KCNH4: variants seen among roughly 807,000 people sequenced by gnomAD.
KCNH4 encodes voltage-gated delayed rectifier potassium channel KCNH4.
A neutral mutation model predicts 90.7 loss-of-function variants in KCNH4; 33 were observed. That is an observed-to-expected ratio of 0.36 (90% CI 0.28 to 0.49). KCNH4 has a LOEUF of 0.49. KCNH4 is among the 20% of genes least tolerant of loss of function. The pLI, the probability that KCNH4 is intolerant of heterozygous loss-of-function variation, is 0.98. For synonymous variants in KCNH4, 551 were observed against 581.7 expected, an observed-to-expected ratio of 0.95 and a Z score of 0.76; for missense variants, 1,044 against 1,387.1, an observed-to-expected ratio of 0.75 and a Z score of 3.93.
chr17:42,161,869 G>A (rs749057536), intron 15 of KCNH4, among the ~76,000 whole-genome samples: 6 of 152,050 alleles, frequency 3.9e-5, no homozygotes, highest in Admixed American at 6.5e-5. Flanking sequence ...AGTTCAGAGC[G>A]GTTGTGGGAC....
At chr17:42,179,063 G>A (rs1426280440) in intron 1 of KCNH4, 37 bp from the exon 2 acceptor site, 1 of 1,530,144 alleles carries the variant, frequency 6.5e-7, no homozygotes, top group African/African-American at 1.4e-5. Context: ...GTCAAGGCTG[G>A]GAGGCGAGCT....
chr17:42,161,736 C>T (rs1281253475), intron 15 of KCNH4, among the ~76,000 whole-genome samples: 1 of 152,188 alleles, frequency 6.6e-6, no homozygotes, highest in Non-Finnish European at 1.5e-5. Flanking sequence ...GGAAGGAAAC[C>T]AACTGGTACG....
At position 42,166,340 on chromosome 17, in the gene KCNH4, G is replaced by A; in HGVS notation, c.1797C>T (p.Gly599=). The A allele has an allele frequency of 1.2e-6, 2 of 1,612,280 alleles. No homozygotes were observed. Among genetic ancestry groups the A allele is most frequent in the Non-Finnish European group, 1.7e-6 (2 of 1,179,198 alleles). ...TGTTGTCTCGGAGCACCTCAAGCGA[G>A]CCGGAGCAGACATAGTAATGTGCCT... The part of the protein sequence containing the change: ...ALQAHYYVCS[G]SLEVLRDNMV... The change falls in exon 10 of 17, where the codon GGC becomes GGT. Residue 599 remains glycine, a synonymous_variant. Transcript: ENST00000264661.
intron 2 of KCNH4, 150 bp from the exon 3 acceptor site, chr17:42,178,627 A>G (rs2079879532): frequency 8.2e-7 from 1 of 1,216,314 alleles, no homozygotes; most frequent in African/African-American, 1.5e-5. Context: ...CGATTCCTTC[A>G]TCTTTCAAAT....
intron 6 of KCNH4, among the ~76,000 whole-genome samples, chr17:42,175,083 C>G (rs1341084889): frequency 6.6e-6 from 1 of 152,206 alleles, no homozygotes; most frequent in Non-Finnish European, 1.5e-5. Flanking sequence ...CAAGGTCAGC[C>G]CAGCCCCTCT....
At chr17:42,164,243 C>G in intron 11 of KCNH4, 75 bp from the exon 12 acceptor site, 2 of 1,331,430 alleles carry the variant, frequency 1.5e-6, no homozygotes, top group Non-Finnish European at 2.0e-6. Flanking sequence ...CTGTCCCACC[C>G]AACAGTGTTA....
chr17:42,175,864 G>T, intron 5 of KCNH4, 128 bp from the exon 6 acceptor site: 1 of 1,299,078 alleles, frequency 7.7e-7, no homozygotes, highest in Non-Finnish European at 1.1e-6. Context: ...CTTCTGGCTG[G>T]TCCTTAGGGA....
chr17:42,171,847 A>G lies in KCNH4; in HGVS notation c.1136T>C (p.Ile379Thr), dbSNP rs1405580695. Residue 379 changes from isoleucine to threonine, a missense_variant, in exon 7 of 17, where the codon ATC (isoleucine) becomes ACC (threonine). Transcript: ENST00000264661. ...CTCCCGGCGCCCGATGACATACCAG[A>G]TGCAGGCCATCCAGTGGGCAAGGAG... ...FALLAHWMACIWYVIGRREME... is the reference protein window; with the variant it reads ...FALLAHWMACTWYVIGRREME... The G allele has an allele frequency of 6.2e-7, 1 of 1,614,178 alleles. No homozygotes were observed. Among genetic ancestry groups the G allele is most frequent in the Non-Finnish European group, 8.5e-7 (1 of 1,180,040 alleles).
intron 10 of KCNH4, among the ~76,000 whole-genome samples, chr17:42,165,894 G>A (rs551216201): frequency 7.0e-4 from 107 of 152,302 alleles, no homozygotes; most frequent in Non-Finnish European, 1.1e-3. Flanking sequence ...GAGACAGTCA[G>A]TGGGAGTGAG....
At chr17:42,176,475 TC>T (rs2079862452) in intron 4 of KCNH4, among the ~76,000 whole-genome samples, 178 bp from the exon 5 acceptor site, 1 of 151,036 alleles carries the variant, frequency 6.6e-6, no homozygotes, top group African/African-American at 2.4e-5. Flanking sequence ...CCTGACATTT[TC>T]TTCTCCTGCC....
chr17:42,167,636 T>C (rs1276328274), intron 9 of KCNH4, among the ~76,000 whole-genome samples: 8 of 152,116 alleles, frequency 5.3e-5, no homozygotes, highest in Non-Finnish European at 1.2e-4. Context: ...ACCCTCCTCT[T>C]GGTCTGACCC....
chr17:42,179,533 T>C (rs2079886955), intron 1 of KCNH4, among the ~76,000 whole-genome samples: 1 of 152,274 alleles, frequency 6.6e-6, no homozygotes, highest in Admixed American at 6.5e-5. Context: ...TGGTAAGTGC[T>C]ACTCTGAGAA....
At position 42,169,644 on chromosome 17, in the gene KCNH4, T is replaced by C; in HGVS notation, c.1423A>G (p.Thr475Ala). 6.2e-7 allele frequency: 1 copy of C among 1,613,988 alleles called. No homozygotes were observed. Among genetic ancestry groups the C allele is most frequent in the Non-Finnish European group, 8.5e-7 (1 of 1,179,988 alleles). The change falls in exon 9 of 17, where the codon ACA becomes GCA. Residue 475 changes from threonine (T) to alanine (A), a missense_variant. Thr to Ala is a moderately conservative substitution (Grantham distance 58). Around this residue, in one of 4 missense-constraint regions of KCNH4, gnomAD observed 318 missense variants for 479.6 expected, o/e 0.66. Coordinates refer to ENST00000264661, the MANE Select transcript of KCNH4 (RefSeq NM_012285.3). ...LMHAVVFGNV[T>A]AIIQRMYSRR... is the part of the protein sequence containing the mutation. ...GAGTACATGCGCTGGATGATGGCTGTCACGTTCCCGAACACCACAGCGTGC... is the reference window on the plus strand; with the variant it reads ...GAGTACATGCGCTGGATGATGGCTGCCACGTTCCCGAACACCACAGCGTGC...
At position 42,165,665 on chromosome 17, in the gene KCNH4, G is replaced by C; in HGVS notation, c.1869C>G (p.Ile623Met). The change falls in exon 11 of 17, where the codon ATC becomes ATG. Residue 623 changes from isoleucine to methionine, a missense_variant. Coordinates refer to ENST00000264661, the MANE Select transcript of KCNH4 (RefSeq NM_012285.3). ...LGKGDLIGAD[I>M]PEPGQEPGLG... ...ACCCAGGCTCCTGCCCCGGCTCAGG[G>C]ATATCTGCTCCAATCAGGTCCCCCT... 1 of 1,614,166 alleles carries C rather than the reference G, an allele frequency of 6.2e-7. No homozygotes were observed.
rs1249589553 is a variant in KCNH4, at chr17:42,180,580, C to A, written c.76+290G>T. Among the ~76,000 whole-genome samples the A allele has an allele frequency of 6.6e-6, 1 of 151,998 alleles. No homozygotes were observed. The highest frequency in any genetic ancestry group is 1.5e-5 in the Non-Finnish European group (1 of 67,980). On this transcript the variant is annotated intron_variant, in intron 1 of 16. Transcript: ENST00000264661. The surrounding 1 kb of genome is among the most constrained non-coding windows in gnomAD (Gnocchi z 4.7). Reference sequence around the variant, plus strand: ...TACACGCCCCCAGCACAGCTCTGCCCGAGAGTGGGCGGCTCCGAAGGACCC... The same window carrying A: ...TACACGCCCCCAGCACAGCTCTGCCAGAGAGTGGGCGGCTCCGAAGGACCC...
chr17:42,176,432 T>A, intron 4 of KCNH4, 135 bp from the exon 5 acceptor site: 1 of 684,072 alleles, frequency 1.5e-6, no homozygotes, highest in Non-Finnish European at 2.4e-6. Context: ...TGAAAGGAGA[T>A]AGAAGGCCAG....
intron 12 of KCNH4, 35 bp downstream of exon 12, chr17:42,164,095 G>C: frequency 6.5e-7 from 1 of 1,548,740 alleles, no homozygotes; most frequent in Non-Finnish European, 8.7e-7. Flanking sequence ...CCTCTCCCCA[G>C]GGCAATTCAA....
chr17:42,160,566 G>C (rs1389396072), intron 15 of KCNH4, 131 bp from the exon 16 acceptor site: 1 of 928,156 alleles, frequency 1.1e-6, no homozygotes, highest in African/African-American at 1.7e-5. Context: ...GCAGGATGAG[G>C]GTTATTTTTG....
At chr17:42,172,605 A>T (rs2079835423) in intron 6 of KCNH4, among the ~76,000 whole-genome samples, 1 of 150,176 alleles carries the variant, frequency 6.7e-6, no homozygotes. Flanking sequence ...TTCAATTATC[A>T]TCATTCCTAA....
Sources: gnomAD v4.1 joint callset for allele counts (sites outside exome capture counted in the v4.1 genomes callset) on GRCh38, gnomAD v4.1.1 for gene constraint, gnomAD v4.1.1 regional missense constraint, Gnocchi (gnomAD v3.1) non-coding constraint, MANE v1.5 for transcripts, NCBI Gene and HGNC (gene_info 2026-07-23, HGNC 2026-07-21) for gene names.